ZNF385D: variants seen among roughly 807,000 people sequenced by gnomAD.
The protein encoded by ZNF385D is zinc finger protein 659.
ZNF385D carries 15 observed loss-of-function variants against 35.8 expected under a neutral mutation model. The ratio of observed to expected loss-of-function variants is 0.42; its 90% CI spans 0.28 to 0.64. The LOEUF (loss-of-function observed/expected upper bound fraction) is 0.64. Among genes scored for constraint, ZNF385D ranks in the 30% least tolerant of loss-of-function variants. The pLI is 0.23. For missense variants in ZNF385D, 474 were observed against 494.6 expected, an observed-to-expected ratio of 0.96 and a Z score of 0.39; for synonymous variants, 212 against 186.8, an observed-to-expected ratio of 1.13 and a Z score of -1.10.
chr3:21,684,378 C>A (rs2067019120), intron 1 of ZNF385D, among the ~76,000 whole-genome samples: 1 of 85,164 alleles, frequency 1.2e-5, no homozygotes, highest in African/African-American at 6.0e-5. Flanking sequence ...CTCTCTCTCT[C>A]TCTCTCTCTC....
chr3:21,768,820 T>A (rs1261961103), intron 3 of ZNF385D, among the ~76,000 whole-genome samples: 2 of 151,872 alleles, frequency 1.3e-5, no homozygotes, highest in African/African-American at 2.4e-5. Context: ...CCATCCCCAG[T>A]TGAAATAACA....
chr3:21,619,747 A>G (rs910756121), intron 2 of ZNF385D, among the ~76,000 whole-genome samples: 1 of 152,118 alleles, frequency 6.6e-6, no homozygotes, highest in East Asian at 1.9e-4. Flanking sequence ...AGACCCCACT[A>G]TATTCTAGAC....
intron 2 of ZNF385D, among the ~76,000 whole-genome samples, chr3:22,323,080 G>A (rs1575117912): frequency 6.6e-6 from 1 of 152,034 alleles, no homozygotes; most frequent in East Asian, 1.9e-4. Flanking sequence ...AAAGTCCTCT[G>A]CAGAAGAATC....
chr3:21,656,190 T>A (rs1254899964), intron 2 of ZNF385D, among the ~76,000 whole-genome samples: 29 of 151,994 alleles, frequency 1.9e-4, no homozygotes, highest in Non-Finnish European at 1.5e-5. Context: ...TTACCAGTTG[T>A]CAGGAACATT....
intron 2 of ZNF385D, among the ~76,000 whole-genome samples, chr3:22,348,134 C>G (rs1695743367): frequency 6.6e-6 from 1 of 151,998 alleles, no homozygotes; most frequent in Non-Finnish European, 1.5e-5. Context: ...AGAAAACAGG[C>G]AAATAGTGAT....
intron 3 of ZNF385D, among the ~76,000 whole-genome samples, chr3:22,061,808 C>T (rs1427538392): frequency 1.3e-5 from 2 of 152,128 alleles, no homozygotes; most frequent in Non-Finnish European, 2.9e-5. Flanking sequence ...TGATTCATAG[C>T]GCTCATCACA....
chr3:22,030,614 C>T (rs1430804275), intron 3 of ZNF385D, among the ~76,000 whole-genome samples: 3 of 152,002 alleles, frequency 2.0e-5, no homozygotes, highest in African/African-American at 7.3e-5. Flanking sequence ...TCACCTCCCA[C>T]CAGGTTTCTC....
At chr3:21,852,527 T>TA (rs1696446454) in intron 3 of ZNF385D, among the ~76,000 whole-genome samples, 1 of 151,928 alleles carries the variant, frequency 6.6e-6, no homozygotes, top group Admixed American at 6.6e-5. Flanking sequence ...AATATCATGC[T>TA]AAATGTGTGA....
At chr3:21,819,451 A>C in intron 3 of ZNF385D, among the ~76,000 whole-genome samples, 1 of 126,008 alleles carries the variant, frequency 7.9e-6, no homozygotes, top group African/African-American at 2.8e-5. Context: ...TGACTATTAC[A>C]AAAAAAATCT....
intron 2 of ZNF385D, among the ~76,000 whole-genome samples, chr3:22,221,512 C>T (rs1698255418): frequency 6.6e-6 from 1 of 152,108 alleles, no homozygotes. Flanking sequence ...AAAATCTTCA[C>T]TAATTTTTAA....
chr3:22,364,430 T>A (rs1030891866), intron 2 of ZNF385D, among the ~76,000 whole-genome samples: 1 of 152,018 alleles, frequency 6.6e-6, no homozygotes, highest in Admixed American at 6.6e-5. Flanking sequence ...TGATTAAAAA[T>A]GGGCAAAGGA....
At chr3:21,547,855 C>T (rs1013230239) in intron 3 of ZNF385D, among the ~76,000 whole-genome samples, 1 of 152,042 alleles carries the variant, frequency 6.6e-6, no homozygotes, top group Non-Finnish European at 1.5e-5. Flanking sequence ...AGGTGGTCCA[C>T]CCCCCTTGGC....
At chr3:21,568,808 G>A (rs1333313645) in intron 2 of ZNF385D, among the ~76,000 whole-genome samples, 1 of 152,052 alleles carries the variant, frequency 6.6e-6, no homozygotes, top group African/African-American at 2.4e-5. Flanking sequence ...TAAAATATAA[G>A]TAAAATGTAA....
At chr3:22,237,453 A>G (rs1360412893) in intron 2 of ZNF385D, among the ~76,000 whole-genome samples, 2 of 152,048 alleles carry the variant, frequency 1.3e-5, no homozygotes, top group African/African-American at 2.4e-5. Context: ...CTCCCATTTT[A>G]TAGGTTTTCC....
At position 21,635,936 on chromosome 3, in the gene ZNF385D, C is replaced by T. The variant is rs148279055; in HGVS notation, c.165+28950G>A. 1.1e-4 allele frequency among the ~76,000 whole-genome samples: 17 copies of T among 152,174 alleles called. No homozygotes were observed. In the East Asian group the frequency reaches 3.3e-3, roughly 30 times the overall value. On this transcript the variant is annotated intron_variant, in intron 2 of 7. Transcript: ENST00000281523. ...AGTATTCCATTCTACATATATGCCACAATTTCTTTATCCACTTGTTGATTG... is the reference window on the plus strand; with the variant it reads ...AGTATTCCATTCTACATATATGCCATAATTTCTTTATCCACTTGTTGATTG...
chr3:22,006,834 G>A (rs1043387246), intron 3 of ZNF385D, among the ~76,000 whole-genome samples: 1 of 151,878 alleles, frequency 6.6e-6, no homozygotes, highest in Non-Finnish European at 1.5e-5. Flanking sequence ...CCAAAAAAGA[G>A]TGATAAGTAG....
chr3:22,327,086 A>G (rs1279198218), intron 2 of ZNF385D, among the ~76,000 whole-genome samples: 1 of 152,208 alleles, frequency 6.6e-6, no homozygotes, highest in Non-Finnish European at 1.5e-5. Context: ...AAAAATGAAA[A>G]AGTGCAAGAA....
chr3:21,881,997 T>C (rs976554686), intron 3 of ZNF385D, among the ~76,000 whole-genome samples: 6 of 152,030 alleles, frequency 3.9e-5, no homozygotes, highest in African/African-American at 1.4e-4. Flanking sequence ...TCTGGAATTG[T>C]TCTGGGTGAG....
intron 4 of ZNF385D, among the ~76,000 whole-genome samples, chr3:21,475,404 G>A (rs1216788434): frequency 1.3e-5 from 2 of 152,128 alleles, no homozygotes; most frequent in African/African-American, 4.8e-5. Flanking sequence ...AAATACATCT[G>A]TATTCTCAAA....
Sources: gnomAD v4.1 joint callset for allele counts (sites outside exome capture counted in the v4.1 genomes callset) on GRCh38, gnomAD v4.1.1 for gene constraint, MANE v1.5 for transcripts, NCBI Gene and HGNC (gene_info 2026-07-23, HGNC 2026-07-21) for gene names.